The following ARGFX variants were observed in gnomAD, a reference collection of about 807,000 sequenced individuals.
ARGFX encodes arginine-fifty homeobox.
In ARGFX, 10 loss-of-function variants were observed where a neutral mutation model predicts 8.0. The observed-to-expected ratio is 1.25, with a 90% CI of 0.77 to 2.12. The LOEUF (loss-of-function observed/expected upper bound fraction) is 2.12. ARGFX is among the 30% of genes most tolerant of loss of function. ARGFX has a pLI of 0.00. For missense variants in ARGFX, 282 were observed against 324.3 expected (o/e 0.87, Z 1.00); for synonymous variants, 116 against 117.8 (o/e 0.98, Z 0.10).
chr3:121,581,644 T>C (rs1402119479), intron 3 of ARGFX, among the ~76,000 whole-genome samples: 2 of 152,156 alleles, frequency 1.3e-5, no homozygotes, highest in African/African-American at 4.8e-5. Context: ...CTCATACCTG[T>C]AATTCTAGCA....
chr3:121,586,002 C>A lies in ARGFX; in HGVS notation c.370-20C>A. 6.5e-7 allele frequency: 1 copy of A among 1,549,880 alleles called. No individual in the cohort carries two copies. Among genetic ancestry groups the A allele is most frequent in the African/African-American group, 1.4e-5 (1 of 72,740 alleles). The stretch of plus-strand genomic sequence containing the variant: ...CCTCCAATAACAGACCACAATCTCC[C>A]CCTCTTCCCCTACTCCCAGGTTTGG... On this transcript the variant is annotated intron_variant, in intron 4 of 4. Coordinates refer to ENST00000334384, the MANE Select transcript of ARGFX (RefSeq NM_001012659.2).
intron 3 of ARGFX, among the ~76,000 whole-genome samples, chr3:121,577,236 T>TAC (rs2048744583): frequency 1.6e-5 from 1 of 61,002 alleles, no homozygotes; most frequent in South Asian, 6.2e-4. Context: ...CATATATATA[T>TAC]ATATATATAT....
chr3:121,573,525 A>G (rs933292714), intron 2 of ARGFX, among the ~76,000 whole-genome samples: 8 of 151,992 alleles, frequency 5.3e-5, no homozygotes, highest in African/African-American at 1.7e-4. Flanking sequence ...GTAGTGGGAG[A>G]AAATATTTGC....
chr3:121,569,092 CAA>C (rs574861292), intron 1 of ARGFX, among the ~76,000 whole-genome samples: 1 of 151,410 alleles, frequency 6.6e-6, no homozygotes, highest in East Asian at 1.9e-4. Context: ...TTTCCACACA[CAA>C]AAAAAAATTG....
Position 121,570,743 on chromosome 3 carries a change from C to T in ARGFX, c.30C>T (p.Pro10=). The change falls in exon 2 of 5, where the codon CCC becomes CCT. Residue 10 remains proline (P), a synonymous_variant. Transcript: ENST00000334384. The part of the protein sequence containing the change: MRNRMAPEN[P]QPDPFINRNY... ...GGAACAGAATGGCCCCAGAGAATCC[C>T]CAGCCAGACCCTTTCATCAATAGGA... 3.1e-6 allele frequency: 5 copies of T among 1,610,402 alleles called. No homozygotes were observed. The highest frequency in any genetic ancestry group is 4.2e-6 in the Non-Finnish European group (5 of 1,178,508).
chr3:121,579,456 TC>T (rs58817659), intron 3 of ARGFX, among the ~76,000 whole-genome samples: 42,308 of 152,000 alleles, frequency 0.28, 6,299 homozygotes, highest in East Asian at 0.61. Flanking sequence ...CCTTTGTGAC[TC>T]CTCAGCCACA....
intron 3 of ARGFX, among the ~76,000 whole-genome samples, 182 bp downstream of exon 3, chr3:121,577,082 T>C (rs1283777714): frequency 6.6e-6 from 1 of 151,462 alleles, no homozygotes; most frequent in Non-Finnish European, 1.5e-5. Flanking sequence ...CTATCTCCTC[T>C]CTGAGGTTGT....
intron 2 of ARGFX, among the ~76,000 whole-genome samples, chr3:121,572,236 GTTTT>G (rs35928051): frequency 5.5e-5 from 7 of 128,064 alleles, no homozygotes; most frequent in African/African-American, 1.6e-4. Context: ...TATTATTGTT[GTTTT>G]TTTTTTTTTT....
At chr3:121,581,004 G>A (rs749837497) in intron 3 of ARGFX, among the ~76,000 whole-genome samples, 5 of 151,582 alleles carry the variant, frequency 3.3e-5, no homozygotes, top group Admixed American at 6.6e-5. Flanking sequence ...TTTTGAGGCC[G>A]AGTCTCGCTC....
At chr3:121,577,261 T>TATATATATATA (rs1560120621) in intron 3 of ARGFX, among the ~76,000 whole-genome samples, 19 of 37,476 alleles carry the variant, frequency 5.1e-4, no homozygotes, top group Non-Finnish European at 9.2e-4. Context: ...ATATATATAT[T>TATATATATATA]TTTTTTTTTT....
chr3:121,576,190 T>C (rs890864471), intron 2 of ARGFX, among the ~76,000 whole-genome samples: 1 of 152,038 alleles, frequency 6.6e-6, no homozygotes, highest in African/African-American at 2.4e-5. Flanking sequence ...TCAAGCAGAA[T>C]GCTTTGCCTC....
rs150785017 is a variant in ARGFX, at chr3:121,580,157, G to A, written c.220+3257G>A. ...TTTCACCATGTTTTTGTAGAGACGG[G>A]ATTTCACCATGTGGTCCAGACTGGT... is the stretch of plus-strand genomic sequence containing the variant. On this transcript the variant is annotated intron_variant, in intron 3 of 4. Coordinates refer to ENST00000334384, the MANE Select transcript of ARGFX (RefSeq NM_001012659.2). 3.1e-3 allele frequency among the ~76,000 whole-genome samples: 468 copies of A among 150,976 alleles called. 2 individuals are homozygous for A. Among genetic ancestry groups the A allele is most frequent in the African/African-American group, 0.011 (447 of 41,116 alleles).
At chr3:121,577,417 T>C (rs1300434973) in intron 3 of ARGFX, among the ~76,000 whole-genome samples, 1 of 151,284 alleles carries the variant, frequency 6.6e-6, no homozygotes, top group Non-Finnish European at 1.5e-5. Flanking sequence ...CCACACCAGC[T>C]AATTTTTTGT....
rs1174620508 is a variant in ARGFX at position 121,579,945 on chromosome 3, CTTTTTTTTTTTTTT to C, written c.220+3058_220+3071del. Among the ~76,000 whole-genome samples the C allele has an allele frequency of 4.0e-3, 369 of 91,596 alleles. 5 individuals carry two copies. The highest frequency in any genetic ancestry group is 0.017 in the African/African-American group (356 of 20,458). The allele number at this position is 91,596 out of a possible 152,430, so 60.1% of individuals were successfully genotyped here. A position where few individuals can be genotyped will look rare whatever the true frequency, so the allele number is the denominator to read the frequency against. On this transcript the variant is annotated intron_variant, in intron 3 of 4. Transcript: ENST00000334384. Reference sequence around the variant, plus strand: ...CTTTCTTTTTCTTTTCTTTTCTTTTCTTTTTTTTTTTTTTTTTTTTTTTTTTGAGACAGGTTTCA... The same window carrying C: ...CTTTCTTTTTCTTTTCTTTTCTTTTCTTTTTTTTTTTTGAGACAGGTTTCA...
chr3:121,576,702 TTTCTTTTTC>T, intron 2 of ARGFX, 73 bp from the exon 3 acceptor site: 1 of 257,262 alleles, frequency 3.9e-6, no homozygotes, highest in South Asian at 2.4e-5. Flanking sequence ...TTTCTCTTTC[TTTCTTTTTC>T]TTTCTTTCTT....
In ARGFX at chr3:121,589,662, T is replaced by C. The variant is rs1483988662; in HGVS notation, c.*3062T>C. Among the ~76,000 whole-genome samples the C allele has an allele frequency of 6.6e-6, 1 of 152,108 alleles. No individual in the cohort carries two copies. The highest frequency in any genetic ancestry group is 2.4e-5 in the African/African-American group (1 of 41,434). ...AAGGGCTGAGATTACAGGTGTGAGC[T>C]ACCTCACCTGGCCAAAACAGTTTTT... On this transcript the variant is annotated 3_prime_UTR_variant, in exon 5 of 5. Transcript: ENST00000334384.
intron 3 of ARGFX, among the ~76,000 whole-genome samples, chr3:121,581,557 A>G (rs956827334): frequency 3.9e-5 from 6 of 152,240 alleles, no homozygotes; most frequent in Non-Finnish European, 5.9e-5. Flanking sequence ...CAAGCATACT[A>G]GTTTCCCAAT....
chr3:121,584,263 GA>G (rs1345061000), intron 3 of ARGFX, among the ~76,000 whole-genome samples: 2 of 148,100 alleles, frequency 1.4e-5, no homozygotes, highest in African/African-American at 5.0e-5. Context: ...AGGAAGGAAG[GA>G]AGGAAAGAAA....
chr3:121,577,226 CATATAT>C (rs71133554), intron 3 of ARGFX, among the ~76,000 whole-genome samples: 1,180 of 87,052 alleles, frequency 0.014, 52 homozygotes, highest in African/African-American at 0.053. Flanking sequence ...TCTACATGTA[CATATAT>C]ATATATATAT....
Sources: allele counts gnomAD v4.1 joint callset (sites outside exome capture counted in the v4.1 genomes callset), GRCh38; gene constraint gnomAD v4.1.1; transcripts MANE v1.5; gene names NCBI Gene and HGNC (gene_info 2026-07-23, HGNC 2026-07-21).